The following PCDHA3 variants were observed in gnomAD, a reference collection of about 807,000 sequenced individuals.
PCDHA3 encodes the protein protocadherin alpha 3.
PCDHA3 carries 41 observed loss-of-function variants against 62.2 expected under a neutral mutation model. The observed-to-expected ratio is 0.66, with a 90% CI of 0.51 to 0.86. The LOEUF (loss-of-function observed/expected upper bound fraction) is 0.86, where lower values mean the gene tolerates loss of function less well. PCDHA3 is among the 40% of genes least tolerant of loss of function. PCDHA3 has a pLI of 0.00. For missense variants in PCDHA3, 1,304 were observed against 1,241.2 expected (o/e 1.05, Z -0.76); for synonymous variants, 640 against 555.4 (o/e 1.15, Z -2.14).
At chr5:140,980,555 G>A (rs1050580342) in intron 2 of PCDHA3, among the ~76,000 whole-genome samples, 1 of 152,068 alleles carries the variant, frequency 6.6e-6, no homozygotes, top group Non-Finnish European at 1.5e-5. Flanking sequence ...GCTTGAACCC[G>A]GGAGGCGGAA....
chr5:140,828,609 G>A, intron 1 of PCDHA3: 1 of 1,614,194 alleles, frequency 6.2e-7, no homozygotes, highest in South Asian at 1.1e-5. Flanking sequence ...TATAAACTCA[G>A]TTCTAGCGAA....
At chr5:140,845,952 T>C (rs1262858595) in intron 1 of PCDHA3, among the ~76,000 whole-genome samples, 2 of 149,750 alleles carry the variant, frequency 1.3e-5, no homozygotes, top group Non-Finnish European at 3.0e-5. Context: ...AGTCATTTTT[T>C]AGATTAACCT....
intron 1 of PCDHA3, chr5:140,822,809 A>G: frequency 1.9e-6 from 3 of 1,614,196 alleles, no homozygotes; most frequent in Non-Finnish European, 2.5e-6. Flanking sequence ...GTGAATGATA[A>G]TACCCCAGAG....
At chr5:140,943,237 C>T (rs1364015851) in intron 1 of PCDHA3, among the ~76,000 whole-genome samples, 1 of 121,190 alleles carries the variant, frequency 8.3e-6, no homozygotes, top group African/African-American at 3.3e-5. Flanking sequence ...CAGCCTGGGT[C>T]ACAGAGTGAG....
Position 140,830,509 on chromosome 5 carries a change from A to G in PCDHA3, c.2394+26918A>G, listed in dbSNP as rs1039294822. ...AAGTAAGTGAATTTTCATAATTAAC[A>G]GTTAATTTTTATTTTAAATTTATAA... On this transcript the variant is annotated intron_variant, in intron 1 of 3. Coordinates refer to ENST00000522353, the MANE Select transcript of PCDHA3 (RefSeq NM_018906.3). 2.8e-6 allele frequency: 4 copies of G among 1,410,936 alleles called. 1 individual carries two copies. Among genetic ancestry groups the G allele is most frequent in the Non-Finnish European group, 1.9e-6 (2 of 1,059,252 alleles). The allele number at this position is 1,410,936 out of a possible 1,614,324, so 87.4% of individuals were successfully genotyped here. A position where few individuals can be genotyped will look rare whatever the true frequency, so the allele number is the denominator to read the frequency against.
At chr5:140,969,235 A>G (rs781795606) in intron 1 of PCDHA3, 2 of 1,614,206 alleles carry the variant, frequency 1.2e-6, no homozygotes, top group Non-Finnish European at 1.7e-6. Flanking sequence ...CGGGAGCCCA[A>G]GCAGCAGTGA....
rs1272806838 is a variant in PCDHA3, at chr5:140,818,351, CATTG to C, written c.2394+14766_2394+14769del. ...TGTTATTCTAGGCCACTGTCAAAGTCATTGATTGAATTCTTAACTTGAATCGTGG... is the reference window on the plus strand; with the variant it reads ...TGTTATTCTAGGCCACTGTCAAAGTCATTGAATTCTTAACTTGAATCGTGG... On this transcript the variant is annotated intron_variant, in intron 1 of 3. Coordinates refer to ENST00000522353, the MANE Select transcript of PCDHA3 (RefSeq NM_018906.3). 7.2e-5 allele frequency among the ~76,000 whole-genome samples: 11 copies of C among 152,282 alleles called. No individual in the cohort carries two copies. The South Asian group carries it at 2.3e-3, about 32-fold the overall frequency.
chr5:140,914,755 T>G (rs1175753765), intron 1 of PCDHA3, among the ~76,000 whole-genome samples: 1 of 152,270 alleles, frequency 6.6e-6, no homozygotes, highest in East Asian at 1.9e-4. Flanking sequence ...CCATTTGAGG[T>G]TACATGAGGT....
At position 141,010,104 on chromosome 5, in the gene PCDHA3, T is replaced by G; in HGVS notation, c.*167T>G. ...TGTCTAGAACGCATTTAACAGGTTTTGTCGTAAAAGCTTTACTAAGTCTGG... is the reference window on the plus strand; with the variant it reads ...TGTCTAGAACGCATTTAACAGGTTTGGTCGTAAAAGCTTTACTAAGTCTGG... On this transcript the variant is annotated 3_prime_UTR_variant, in exon 4 of 4. Coordinates refer to ENST00000522353, the MANE Select transcript of PCDHA3 (RefSeq NM_018906.3). 1 of 1,612,408 alleles carries G rather than the reference T, an allele frequency of 6.2e-7. No individual in the cohort carries two copies. Among genetic ancestry groups the G allele is most frequent in the Non-Finnish European group, 8.5e-7 (1 of 1,179,092 alleles).
Position 141,010,015 on chromosome 5 carries a change from C to T in PCDHA3, c.*78C>T, listed in dbSNP as rs1588250671. On this transcript the variant is annotated 3_prime_UTR_variant, in exon 4 of 4. Transcript: ENST00000522353. ...CTCTCCCATGTAGCAATTCCCTGCTCCTTTTTCCTATCTACATGAGCCCTC... is the reference window on the plus strand; with the variant it reads ...CTCTCCCATGTAGCAATTCCCTGCTTCTTTTTCCTATCTACATGAGCCCTC... 7 of 1,572,182 alleles carry T rather than the reference C, an allele frequency of 4.5e-6. No individual in the cohort carries two copies. In the East Asian group the frequency reaches 1.3e-4, roughly 30 times the overall value.
At chr5:140,843,925 C>T in intron 1 of PCDHA3, 4 of 594,474 alleles carry the variant, frequency 6.7e-6, no homozygotes, top group Non-Finnish European at 8.8e-6. Context: ...TCTTGAAACT[C>T]AAGTTATGGT....
At chr5:140,861,386 G>A in intron 1 of PCDHA3, 1 of 440,552 alleles carries the variant, frequency 2.3e-6, no homozygotes, top group Non-Finnish European at 4.6e-6. Context: ...CGCAGGACCT[G>A]GGTCTGGAGC....
intron 1 of PCDHA3, chr5:140,968,796 C>G (rs2096270881): frequency 6.2e-7 from 1 of 1,614,220 alleles, no homozygotes; most frequent in East Asian, 2.2e-5. Context: ...GTGGCCATTA[C>G]AGTAGCTGTG....
At chr5:140,827,761 A>G (rs1241454349) in intron 1 of PCDHA3, among the ~76,000 whole-genome samples, 2 of 152,264 alleles carry the variant, frequency 1.3e-5, no homozygotes, top group South Asian at 2.1e-4. Flanking sequence ...ACTTTAAATT[A>G]ATAAAAGAAG....
chr5:140,918,403 C>G (rs192008600), intron 1 of PCDHA3, among the ~76,000 whole-genome samples: 1 of 152,278 alleles, frequency 6.6e-6, no homozygotes, highest in African/African-American at 2.4e-5. Flanking sequence ...CCTGATTTCT[C>G]TGGCCAGGAC....
intron 1 of PCDHA3, chr5:140,842,835 C>A: frequency 1.3e-6 from 2 of 1,593,850 alleles, no homozygotes; most frequent in South Asian, 2.2e-5. Context: ...CGCTCGCTGT[C>A]GAGCTACATT....
intron 1 of PCDHA3, chr5:140,857,466 T>C: frequency 1.9e-6 from 3 of 1,598,502 alleles, no homozygotes; most frequent in Non-Finnish European, 2.6e-6. Context: ...GGCTGCCACA[T>C]CTTCACGGTG....
intron 1 of PCDHA3, chr5:140,851,710 G>T: frequency 2.1e-6 from 2 of 958,600 alleles, no homozygotes; most frequent in Middle Eastern, 5.5e-4. Flanking sequence ...GCCATGTGAA[G>T]ATTCGAAACT....
chr5:140,804,897 C>A, intron 1 of PCDHA3: 1 of 750,788 alleles, frequency 1.3e-6, no homozygotes, highest in Non-Finnish European at 2.0e-6. Flanking sequence ...CTTCCCCTCA[C>A]TTCCATTTTC....
Sources: allele counts gnomAD v4.1 joint callset (sites outside exome capture counted in the v4.1 genomes callset), GRCh38; gene constraint gnomAD v4.1.1; transcripts MANE v1.5; gene names NCBI Gene and HGNC (gene_info 2026-07-23, HGNC 2026-07-21).